Variants in USP31 observed in about 807,000 individuals in gnomAD.
USP31 encodes the protein ubiquitin carboxyl-terminal hydrolase 31.
Under a neutral mutation model 119.4 loss-of-function variants are expected in USP31, and 44 were observed. The ratio of observed to expected loss-of-function variants is 0.37; its 90% CI spans 0.29 to 0.47. USP31 has a LOEUF of 0.47. Among genes scored for constraint, USP31 ranks in the 20% least tolerant of loss-of-function variants. The pLI is 0.99. For synonymous variants in USP31, 749 were observed against 705.6 expected, an observed-to-expected ratio of 1.06 and a Z score of -0.97; for missense variants, 1,643 against 1,730.2, an observed-to-expected ratio of 0.95 and a Z score of 0.89.
intron 1 of USP31, among the ~76,000 whole-genome samples, chr16:23,126,153 A>G (rs539090901): frequency 6.9e-4 from 104 of 151,718 alleles, no homozygotes; most frequent in Middle Eastern, 3.4e-3. Flanking sequence ...CTGTCTCTAC[A>G]AGAAAAAAAA....
chr16:23,102,574 C>T (rs1901927773), intron 5 of USP31, 111 bp from the exon 6 acceptor site: 2 of 1,255,214 alleles, frequency 1.6e-6, no homozygotes, highest in Admixed American at 5.8e-5. Flanking sequence ...GTCTGAGAGA[C>T]ATCTCGCAGA....
At chr16:23,079,013 A>G (rs1369173365) in intron 13 of USP31, 3 of 152,252 alleles carry the variant, frequency 2.0e-5, no homozygotes, top group African/African-American at 4.8e-5. Flanking sequence ...TACCAAGAGT[A>G]GTCAAATTCA....
intron 13 of USP31, among the ~76,000 whole-genome samples, chr16:23,076,288 TAAA>T (rs766668376): frequency 4.6e-5 from 6 of 130,150 alleles, no homozygotes; most frequent in Non-Finnish European, 6.7e-5. Flanking sequence ...AAGTTGATGT[TAAA>T]AAAAAAAAAA....
chr16:23,085,041 GA>G (rs1901047873), intron 10 of USP31, 52 bp from the exon 11 acceptor site: 1 of 1,591,362 alleles, frequency 6.3e-7, no homozygotes, highest in Non-Finnish European at 8.6e-7. Flanking sequence ...AAAACAGAAG[GA>G]AAAATACAAT....
At chr16:23,144,165 C>CT (rs1903439231) in intron 1 of USP31, among the ~76,000 whole-genome samples, 1 of 152,118 alleles carries the variant, frequency 6.6e-6, no homozygotes, top group South Asian at 2.1e-4. Context: ...AGAAAGAACT[C>CT]TAATTGAAAA....
chr16:23,122,162 C>T (rs952035608), intron 1 of USP31, among the ~76,000 whole-genome samples: 5 of 152,154 alleles, frequency 3.3e-5, no homozygotes, highest in Non-Finnish European at 5.9e-5. Flanking sequence ...AAACTTTAGA[C>T]ACTACTCTTA....
In USP31 at chr16:23,106,482, T is replaced by A; in HGVS notation, c.777A>T (p.Pro259=). The A allele has an allele frequency of 6.2e-7, 1 of 1,605,704 alleles. No individual in the cohort carries two copies. The highest frequency in any genetic ancestry group is 8.5e-7 in the Non-Finnish European group (1 of 1,177,474). ...CCTCAGGCATCATATCAGTCTCTGA[T>A]GGTGGCTAAAAAAAAAAGAAAGTAC... ...KQSGQPPLKP[P]SETDMMPEGP... Residue 259 remains proline, a synonymous_variant, in exon 3 of 16, where the codon CCA becomes CCT. Coordinates refer to ENST00000219689, the MANE Select transcript of USP31 (RefSeq NM_020718.4).
At chr16:23,105,380 A>G (rs1278529196) in intron 5 of USP31, 61 bp downstream of exon 5, 2 of 1,462,368 alleles carry the variant, frequency 1.4e-6, no homozygotes, top group South Asian at 1.5e-5. Flanking sequence ...AAAAAATTCT[A>G]AGAGAACAGA....
At chr16:23,074,614 T>C (rs181419927) in intron 13 of USP31, among the ~76,000 whole-genome samples, 29 of 152,316 alleles carry the variant, frequency 1.9e-4, no homozygotes, top group East Asian at 1.4e-3. Flanking sequence ...TGGCTTGCAC[T>C]TGAAGCCCTA....
intron 1 of USP31, among the ~76,000 whole-genome samples, chr16:23,142,456 C>A (rs1363606340): frequency 2.0e-5 from 3 of 152,348 alleles, no homozygotes; most frequent in Middle Eastern, 3.4e-3. Flanking sequence ...TCAGCACGTC[C>A]CCTCTGCCCA....
At chr16:23,087,949 G>T (rs550652477) in intron 7 of USP31, 114 bp from the exon 8 acceptor site, 3 of 822,058 alleles carry the variant, frequency 3.6e-6, no homozygotes, top group South Asian at 3.6e-5. Flanking sequence ...CTTTAGGACA[G>T]TTCTCAAAAT....
chr16:23,090,596 A>T (rs747803077), intron 7 of USP31, 28 bp downstream of exon 7: 17 of 1,579,276 alleles, frequency 1.1e-5, no homozygotes, highest in Non-Finnish European at 1.4e-5. Flanking sequence ...CAGTCTAGGT[A>T]CTTACTGGAA....
At chr16:23,082,588 G>A (rs1022003799) in intron 11 of USP31, 31 bp from the exon 12 acceptor site, 9 of 1,612,898 alleles carry the variant, frequency 5.6e-6, no homozygotes, top group African/African-American at 5.3e-5. Context: ...CCCGTTAAGT[G>A]CCACTTAATG....
intron 1 of USP31, among the ~76,000 whole-genome samples, chr16:23,136,767 A>G (rs183986050): frequency 7.7e-4 from 118 of 152,370 alleles, no homozygotes; most frequent in Non-Finnish European, 9.0e-4. Flanking sequence ...CATCTAGAAT[A>G]TATAAAGAAC....
chr16:23,113,297 C>A (rs7204492), intron 1 of USP31, among the ~76,000 whole-genome samples: 1 of 151,894 alleles, frequency 6.6e-6, no homozygotes, highest in Non-Finnish European at 1.5e-5. Context: ...GAAAGAGATC[C>A]GAGCTGGAAA....
At chr16:23,072,714 C>G (rs1900397837) in intron 14 of USP31, among the ~76,000 whole-genome samples, 1 of 152,046 alleles carries the variant, frequency 6.6e-6, no homozygotes, top group Admixed American at 6.5e-5. Context: ...CCTGTCTGTT[C>G]CAGGGACGCC....
At chr16:23,074,994 G>T (rs1270249176) in intron 13 of USP31, among the ~76,000 whole-genome samples, 2 of 152,200 alleles carry the variant, frequency 1.3e-5, no homozygotes, top group Non-Finnish European at 2.9e-5. Context: ...GTCCTGAGAG[G>T]CACCAGGAGT....
In USP31 at chr16:23,066,753, G is replaced by T. The variant is rs1251779175; in HGVS notation, c.*1293C>A. ...ACTATATACTTTGCTTATCTGTGAG[G>T]TTTTTTTTGGTGAGGTTCTCCTTTG... is the stretch of plus-strand genomic sequence containing the variant. On this transcript the variant is annotated 3_prime_UTR_variant, in exon 16 of 16. Transcript: ENST00000219689. 1 of 151,944 alleles carries T rather than the reference G, an allele frequency of 6.6e-6. No homozygotes were observed. The allele number at this position is 151,944 out of a possible 1,614,324, so 9.4% of individuals were successfully genotyped here. A position where few individuals can be genotyped will look rare whatever the true frequency, so the allele number is the denominator to read the frequency against.
At chr16:23,113,359 T>C (rs1406125362) in intron 1 of USP31, among the ~76,000 whole-genome samples, 1 of 151,880 alleles carries the variant, frequency 6.6e-6, no homozygotes, top group African/African-American at 2.4e-5. Context: ...CCAGGGAACA[T>C]ATGGTGAGAA....
Sources: gnomAD v4.1 joint callset for allele counts (sites outside exome capture counted in the v4.1 genomes callset) on GRCh38, gnomAD v4.1.1 for gene constraint, MANE v1.5 for transcripts, NCBI Gene and HGNC (gene_info 2026-07-23, HGNC 2026-07-21) for gene names.